Variants in PTBP1 observed in about 807,000 individuals in gnomAD.
PTBP1 encodes the protein polypyrimidine tract binding protein 1, also known as polypyrimidine tract-binding protein 1.
In PTBP1, 8 loss-of-function variants were observed where a neutral mutation model predicts 59.8. The observed-to-expected ratio is 0.13, with a 90% CI of 0.08 to 0.24. PTBP1 has a LOEUF of 0.24. Ranked by LOEUF, PTBP1 falls within the 10% of genes least tolerant of loss-of-function variation. The pLI is 1.00. For missense variants in PTBP1, 686 were observed against 767.0 expected (o/e 0.89, Z 1.25); for synonymous variants, 490 against 320.7 (o/e 1.53, Z -5.64).
chr19:804,251 C>T (rs377732626), intron 4 of PTBP1, 41 bp from the exon 5 acceptor site: 88 of 1,611,260 alleles, frequency 5.5e-5, no homozygotes, highest in Middle Eastern at 1.7e-4. Context: ...ACCGTGCAGG[C>T]GGGGACGAGG....
chr19:805,056 G>A lies in PTBP1; in HGVS notation c.761G>A (p.Arg254His), dbSNP rs775749591. 6.2e-6 allele frequency: 10 copies of A among 1,613,716 alleles called. No homozygotes were observed. The highest frequency in any genetic ancestry group is 2.7e-5 in the African/African-American group (2 of 74,900). The change falls in exon 8 of 15, where the codon CGC becomes CAC. Residue 254 changes from arginine to histidine, a missense_variant. Physicochemically the swap from Arg to His is conservative, Grantham distance 29. Transcript: ENST00000356948. ...QNIYNACCTL[R>H]IDFSKLTSLN... is the part of the protein sequence containing the mutation. The stretch of plus-strand genomic sequence containing the variant: ...ATCTACAACGCCTGCTGCACGCTGC[G>A]CATCGACTTTTCCAAGCTCACCAGC...
In PTBP1 at chr19:806,611, T is replaced by C. The variant is rs146437878; in HGVS notation, c.1119+55T>C. Reference sequence around the variant, plus strand: ...TCCTCCCGGAAGAGCGAGCAGGGGATGTTGTGCTCGGGCTCGGGTCCCGGA... The same window carrying C: ...TCCTCCCGGAAGAGCGAGCAGGGGACGTTGTGCTCGGGCTCGGGTCCCGGA... On this transcript the variant is annotated intron_variant, in intron 10 of 14. Coordinates refer to ENST00000356948, the MANE Select transcript of PTBP1 (RefSeq NM_002819.5). 4.3e-4 allele frequency: 616 copies of C among 1,439,222 alleles called. 2 individuals are homozygous for C. In the African/African-American group the frequency reaches 8.3e-3, roughly 19 times the overall value. The allele number at this position is 1,439,222 out of a possible 1,614,324, so 89.2% of individuals were successfully genotyped here.
At chr19:805,302 TCTGCACGGCCAGCACA>T (rs2034513164) in intron 8 of PTBP1, 115 bp downstream of exon 8, 1 of 1,310,902 alleles carries the variant, frequency 7.6e-7, no homozygotes, top group Admixed American at 1.9e-5. Flanking sequence ...CCTGCTGCTC[TCTGCACGGCCAGCACA>T]GCACGGTCCA....
chr19:800,101 A>AT (rs35076364), intron 2 of PTBP1, among the ~76,000 whole-genome samples: 52 of 131,492 alleles, frequency 4.0e-4, no homozygotes, highest in African/African-American at 1.1e-3. Context: ...TAATTTTTGT[A>AT]TTTTTTTTTT....
In PTBP1 at chr19:804,357, C is replaced by T. The variant is rs1279436733; in HGVS notation, c.354C>T (p.Thr118=). 1 of 1,613,360 alleles carries T rather than the reference C, an allele frequency of 6.2e-7. No homozygotes were observed. The highest frequency in any genetic ancestry group is 1.1e-5 in the South Asian group (1 of 91,070). ...TGGTGAACTACTACACCTCGGTGAC[C>T]CCTGTGCTGCGCGGCCAGCCCATCT... ...NTMVNYYTSV[T]PVLRGQPIYI... is the part of the protein sequence containing the mutation. Residue 118 remains threonine, a synonymous_variant, in exon 5 of 15, where the codon ACC becomes ACT. Coordinates refer to ENST00000356948, the MANE Select transcript of PTBP1 (RefSeq NM_002819.5).
chr19:805,228 C>A, intron 8 of PTBP1, 41 bp downstream of exon 8: 1 of 1,603,616 alleles, frequency 6.2e-7, no homozygotes, highest in Non-Finnish European at 8.5e-7. Context: ...GCAGAGTGGT[C>A]TATTAGGGCC....
At chr19:806,361 G>T in intron 9 of PTBP1, 47 bp from the exon 10 acceptor site, 3 of 1,559,536 alleles carry the variant, frequency 1.9e-6, no homozygotes, top group East Asian at 2.5e-5. Context: ...CCCACTCTGC[G>T]GTGGAGTCGG....
chr19:804,262 A>AGG (rs765382117), intron 4 of PTBP1, 30 bp from the exon 5 acceptor site: 11 of 1,612,028 alleles, frequency 6.8e-6, no homozygotes, highest in Non-Finnish European at 9.3e-6. Context: ...GGGGACGAGG[A>AGG]GGGCCCAGCG....
chr19:797,555 C>A (rs867501084), intron 1 of PTBP1, 50 bp downstream of exon 1: 1 of 1,328,648 alleles, frequency 7.5e-7, no homozygotes. Context: ...CGCCGCAGCC[C>A]TGCCCCCGCC....
intron 8 of PTBP1, 46 bp from the exon 9 acceptor site, chr19:805,446 C>A (rs745654530): frequency 1.2e-5 from 19 of 1,549,060 alleles, no homozygotes; most frequent in Non-Finnish European, 1.6e-5. Flanking sequence ...CGCCCGCTCG[C>A]GGTGGAGGTT....
At chr19:805,397 CCGCCCGCCGG>C in intron 8 of PTBP1, 85 bp from the exon 9 acceptor site, 1 of 1,331,660 alleles carries the variant, frequency 7.5e-7, no homozygotes, top group African/African-American at 1.5e-5. Context: ...TCTGCCGGGG[CCGCCCGCCGG>C]CCGGGTTGGG....
chr19:798,134 G>A (rs980701506), intron 1 of PTBP1, among the ~76,000 whole-genome samples: 2 of 151,982 alleles, frequency 1.3e-5, no homozygotes, highest in African/African-American at 2.4e-5. Context: ...CGGCCAAGGG[G>A]TTTCGGTGAT....
At position 808,530 on chromosome 19, in the gene PTBP1, G is replaced by C. The variant is rs957938591; in HGVS notation, c.1247-16G>C. The C allele has an allele frequency of 1.9e-6, 3 of 1,573,286 alleles. No individual in the cohort carries two copies. The highest frequency in any genetic ancestry group is 2.7e-5 in the African/African-American group (2 of 73,690). On this transcript the variant is annotated splice_polypyrimidine_tract_variant and intron_variant, in intron 12 of 14. Coordinates refer to ENST00000356948, the MANE Select transcript of PTBP1 (RefSeq NM_002819.5). The surrounding 1 kb of genome is among the most constrained non-coding windows in gnomAD (Gnocchi z 4.7). The stretch of plus-strand genomic sequence containing the variant: ...TCCCTCTCGGGCGCCTGGTCACGCG[G>C]GTGCTGCTCCCCCAGCCATGAGCCA...
intron 4 of PTBP1, 25 bp downstream of exon 4, chr19:804,233 G>T (rs745459811): frequency 2.5e-6 from 4 of 1,609,292 alleles, no homozygotes; most frequent in African/African-American, 1.3e-5. Flanking sequence ...TTTCTCCGGG[G>T]TGCTCACACC....
chr19:807,564 C>T (rs2034641956), intron 10 of PTBP1: 1 of 413,168 alleles, frequency 2.4e-6, no homozygotes, highest in Non-Finnish European at 4.3e-6. Context: ...CTTCCCCTTT[C>T]CCTATTTTTT....
Position 804,836 on chromosome 19 carries a change from C to G in PTBP1, c.614C>G (p.Ser205Cys). The G allele has an allele frequency of 6.2e-7, 1 of 1,613,856 alleles. No homozygotes were observed. Among genetic ancestry groups the G allele is most frequent in the Non-Finnish European group, 8.5e-7 (1 of 1,179,800 alleles). ...GTGGCCCGGGACCTGCAGATTTTCT[C>G]CAAGTTCGGCACAGTGTTGAAGATC... The part of the protein sequence containing the change: ...VTLDVLHQIF[S>C]KFGTVLKIIT... The change falls in exon 7 of 15, where the codon TCC becomes TGC. Residue 205 changes from serine (S) to cysteine (C), a missense_variant. Coordinates refer to ENST00000356948, the MANE Select transcript of PTBP1 (RefSeq NM_002819.5).
At position 799,971 on chromosome 19, in the gene PTBP1, G is replaced by C. The variant is rs769375305; in HGVS notation, c.39+528G>C. Among the ~76,000 whole-genome samples the C allele has an allele frequency of 2.6e-5, 4 of 152,062 alleles. No individual in the cohort carries two copies. In the South Asian group the frequency reaches 8.3e-4, roughly 32 times the overall value. On this transcript the variant is annotated intron_variant, in intron 2 of 14. Transcript: ENST00000356948. ...GAGATGGAGTCTTGCTTTGTCACCA[G>C]GCTGGAGTGCAGTGGTGTGATCTTG...
intron 13 of PTBP1, among the ~76,000 whole-genome samples, chr19:810,178 G>A (rs1322363666): frequency 3.3e-5 from 5 of 152,184 alleles, no homozygotes; most frequent in Admixed American, 6.5e-5. Context: ...ATGGTGTTGC[G>A]TGCCTGTAAT....
chr19:806,847 C>T, intron 10 of PTBP1: 1 of 287,430 alleles, frequency 3.5e-6, no homozygotes, highest in South Asian at 9.6e-5. Context: ...GCAGGGCGCG[C>T]AGTTCAGAGC....
Sources: gnomAD v4.1 joint callset for allele counts (sites outside exome capture counted in the v4.1 genomes callset) on GRCh38, gnomAD v4.1.1 for gene constraint, Gnocchi (gnomAD v3.1) non-coding constraint, MANE v1.5 for transcripts, NCBI Gene and HGNC (gene_info 2026-07-23, HGNC 2026-07-21) for gene names.